Variants in CHST10 observed in about 807,000 individuals in gnomAD.
CHST10 encodes HNK-1 sulfotransferase.
CHST10 carries 24 observed loss-of-function variants against 34.7 expected under a neutral mutation model. The observed-to-expected ratio is 0.69, with a 90% CI of 0.50 to 0.97. The LOEUF is 0.97. CHST10 is among the 50% of genes least tolerant of loss of function. The probability of loss-of-function intolerance (pLI) is 0.00; values close to 1 mark genes in which losing one functional copy is unlikely to be tolerated. For missense variants in CHST10, 402 were observed against 452.1 expected (o/e 0.89, Z 1.00); for synonymous variants, 161 against 169.3 (o/e 0.95, Z 0.38).
intron 1 of CHST10, chr2:100,416,989 C>G: frequency 7.7e-7 from 1 of 1,304,246 alleles, no homozygotes; most frequent in South Asian, 1.2e-5. Context: ...CCCCTCGCAC[C>G]GAAGCTGCAC....
chr2:100,413,710 T>G (rs1440707275), intron 2 of CHST10, among the ~76,000 whole-genome samples: 1 of 152,132 alleles, frequency 6.6e-6, no homozygotes, highest in African/African-American at 2.4e-5. Flanking sequence ...CCAATACCAT[T>G]CCCGCCAGCA....
intron 2 of CHST10, among the ~76,000 whole-genome samples, chr2:100,411,845 G>T (rs375248731): frequency 6.6e-6 from 1 of 152,192 alleles, no homozygotes; most frequent in Non-Finnish European, 1.5e-5. Flanking sequence ...AATGGGATGT[G>T]CCTTGGGCAG....
At chr2:100,404,570 C>A (rs1675487699) in intron 3 of CHST10, among the ~76,000 whole-genome samples, 1 of 152,174 alleles carries the variant, frequency 6.6e-6, no homozygotes, top group South Asian at 2.1e-4. Context: ...TTTTTTCTAA[C>A]CGGGCCTACC....
chr2:100,411,025 A>G (rs1277887449), intron 2 of CHST10, among the ~76,000 whole-genome samples: 1 of 152,204 alleles, frequency 6.6e-6, no homozygotes, highest in Non-Finnish European at 1.5e-5. Flanking sequence ...ACATATATGT[A>G]ATACATAGAA....
Position 100,406,482 on chromosome 2 carries a change from T to C in CHST10, c.100+94A>G, listed in dbSNP as rs1197408715. 42 of 1,494,348 alleles carry C rather than the reference T, an allele frequency of 2.8e-5. No homozygotes were observed. In the South Asian group the frequency reaches 5.1e-4, roughly 18 times the overall value. 92.6% of individuals were successfully genotyped at this position (1,494,348 alleles called of 1,614,324 possible). On this transcript the variant is annotated intron_variant, in intron 3 of 6. Transcript: ENST00000264249. The stretch of plus-strand genomic sequence containing the variant: ...CCTGCTGGCATGAAAGTCCTTTGAC[T>C]CTGTGACAGAAGTCATCTATGCATG...
chr2:100,409,986 G>T (rs117273447), intron 2 of CHST10, among the ~76,000 whole-genome samples: 1 of 152,264 alleles, frequency 6.6e-6, no homozygotes, highest in East Asian at 1.9e-4. Flanking sequence ...ACCAGGACAC[G>T]TGGAGACTCC....
At chr2:100,405,123 C>A (rs1224624131) in intron 3 of CHST10, among the ~76,000 whole-genome samples, 1 of 152,214 alleles carries the variant, frequency 6.6e-6, no homozygotes, top group African/African-American at 2.4e-5. Flanking sequence ...GCTGAAGCTG[C>A]CATGGAAATG....
intron 2 of CHST10, chr2:100,408,390 C>T (rs1006964371): frequency 2.0e-5 from 3 of 152,142 alleles, no homozygotes; most frequent in Admixed American, 6.5e-5. Flanking sequence ...GTTCAAATCC[C>T]TGCTCACACC....
chr2:100,402,627 GA>G lies in CHST10; in HGVS notation c.128del (p.Phe43SerfsTer2), dbSNP rs780420317. On this transcript the variant is annotated frameshift_variant, in exon 4 of 7. Transcript: ENST00000264249. LOFTEE classifies it high-confidence loss of function. The part of the protein sequence containing the change: ...DVYSAKQEFL[F>X]LTTMPEVRKL... ...TCCTCACTTCCGGCATGGTTGTCAG[GA>G]ACAGAAACTCCTGTTTGGCACTGTA... The G allele has an allele frequency of 1.2e-6, 2 of 1,613,972 alleles. No homozygotes were observed. The highest frequency in any genetic ancestry group is 1.7e-6 in the Non-Finnish European group (2 of 1,179,902).
At chr2:100,409,551 C>T (rs553926589) in intron 2 of CHST10, among the ~76,000 whole-genome samples, 33 of 151,902 alleles carry the variant, frequency 2.2e-4, no homozygotes, top group Non-Finnish European at 4.1e-4. Context: ...AGTCTTTCAC[C>T]TGGGCTGGGG....
chr2:100,408,070 G>A (rs1165375228), intron 2 of CHST10: 1 of 151,964 alleles, frequency 6.6e-6, no homozygotes, highest in Non-Finnish European at 1.5e-5. Flanking sequence ...GGTTCCCCAA[G>A]TCGGGTTGAA....
intron 3 of CHST10, among the ~76,000 whole-genome samples, chr2:100,404,033 C>A (rs993584915): frequency 6.6e-6 from 1 of 152,348 alleles, no homozygotes; most frequent in East Asian, 1.9e-4. Context: ...TTCAGCCCAG[C>A]GTCCTTGTGC....
At chr2:100,414,542 C>T (rs1383860259) in intron 2 of CHST10, among the ~76,000 whole-genome samples, 1 of 152,164 alleles carries the variant, frequency 6.6e-6, no homozygotes, top group Non-Finnish European at 1.5e-5. Flanking sequence ...CATTAAATTA[C>T]AACTCCATAA....
Position 100,393,471 on chromosome 2 carries a change from T to C in CHST10, c.845A>G (p.His282Arg). 8 of 1,614,178 alleles carry C rather than the reference T, an allele frequency of 5.0e-6. No individual in the cohort carries two copies. Among genetic ancestry groups the C allele is most frequent in the Non-Finnish European group, 6.8e-6 (8 of 1,180,042 alleles). ...GGCATCGTCCTCCAGGGTCTCGTGG[T>C]GTCCAATCACACTGTACATTATCTC... ...PCEIMYSVIG[H>R]HETLEDDAPY... The change falls in exon 7 of 7, where the codon CAC becomes CGC. Residue 282 changes from histidine (H) to arginine (R), a missense_variant. Physicochemically the swap from His to Arg is conservative, Grantham distance 29. Transcript: ENST00000264249.
At position 100,395,544 on chromosome 2, in the gene CHST10, C is replaced by T. The variant is rs774342169; in HGVS notation, c.498G>A (p.Arg166=). 19 of 1,613,928 alleles carry T rather than the reference C, an allele frequency of 1.2e-5. No homozygotes were observed. The highest frequency in any genetic ancestry group is 1.6e-5 in the Non-Finnish European group (19 of 1,179,840). Residue 166 remains arginine (R), a synonymous_variant, in exon 6 of 7, where the codon CGG becomes CGA. Transcript: ENST00000264249. ...VHDHEKNGLP[R]LSSFSDAEIQ... ...TTTCTGCATCACTGAAGGAAGAGAG[C>T]CGAGGAAGGCCGTTCTTCTCGTGGT...
chr2:100,394,781 T>A (rs1278755614), intron 6 of CHST10, among the ~76,000 whole-genome samples: 1 of 151,310 alleles, frequency 6.6e-6, no homozygotes, highest in Admixed American at 6.6e-5. Context: ...TAGAGTACGG[T>A]GGCCAGATCT....
chr2:100,416,460 A>G (rs1033265647), intron 1 of CHST10: 1 of 153,780 alleles, frequency 6.5e-6, no homozygotes, highest in Non-Finnish European at 1.4e-5. Context: ...TAAGCTCTTA[A>G]TTATAATGGG....
intron 2 of CHST10, among the ~76,000 whole-genome samples, chr2:100,411,885 G>A (rs2104252262): frequency 6.6e-6 from 1 of 152,306 alleles, no homozygotes; most frequent in Middle Eastern, 3.4e-3. Flanking sequence ...GTTACCTAAG[G>A]TGAAGGGCAG....
chr2:100,404,019 A>C (rs1002646137), intron 3 of CHST10, among the ~76,000 whole-genome samples: 26 of 152,182 alleles, frequency 1.7e-4, no homozygotes, highest in African/African-American at 6.0e-4. Context: ...AATGCTCTTG[A>C]TGCTTCAGCC....
Sources: gnomAD v4.1 joint callset for allele counts (sites outside exome capture counted in the v4.1 genomes callset) on GRCh38, gnomAD v4.1.1 for gene constraint, MANE v1.5 for transcripts, NCBI Gene and HGNC (gene_info 2026-07-23, HGNC 2026-07-21) for gene names.